RAB11FIP5: variants seen among roughly 807,000 people sequenced by gnomAD.
The protein encoded by RAB11FIP5 is rab11 family-interacting protein 5.
Under a neutral mutation model 85.1 loss-of-function variants are expected in RAB11FIP5, and 48 were observed. That is an observed-to-expected ratio of 0.56 (90% confidence interval 0.45 to 0.72). The LOEUF is 0.72. Among genes scored for constraint, RAB11FIP5 ranks in the 30% least tolerant of loss-of-function variants. The probability of loss-of-function intolerance (pLI) is 0.00; values close to 1 mark genes in which losing one functional copy is unlikely to be tolerated. For synonymous variants in RAB11FIP5, 729 were observed against 727.3 expected (o/e 1.00, Z -0.04); for missense variants, 1,491 against 1,687.0 (o/e 0.88, Z 2.04).
intron 4 of RAB11FIP5, 69 bp from the exon 5 acceptor site, chr2:73,076,251 T>C: frequency 7.2e-7 from 1 of 1,394,228 alleles, no homozygotes; most frequent in Non-Finnish European, 9.9e-7. Context: ...GGGGCTGCCT[T>C]CCCTGTGGAG....
chr2:73,093,102 G>A (rs1037615360), intron 1 of RAB11FIP5, among the ~76,000 whole-genome samples: 4 of 152,178 alleles, frequency 2.6e-5, no homozygotes, highest in South Asian at 2.1e-4. Flanking sequence ...CTGTCGAGGG[G>A]GGCTGAGGAA....
chr2:73,112,237 G>T, intron 1 of RAB11FIP5, 110 bp downstream of exon 1: 2 of 1,238,004 alleles, frequency 1.6e-6, no homozygotes, highest in Non-Finnish European at 2.1e-6. Context: ...ACGCCCTTAA[G>T]CACGAGGCAA....
intron 1 of RAB11FIP5, among the ~76,000 whole-genome samples, chr2:73,110,927 G>T (rs1196648997): frequency 6.6e-6 from 1 of 152,106 alleles, no homozygotes; most frequent in African/African-American, 2.4e-5. Flanking sequence ...AAAAGAATGG[G>T]CTAAGAGATC....
At chr2:73,099,871 A>T (rs1261542071) in intron 1 of RAB11FIP5, among the ~76,000 whole-genome samples, 1 of 152,148 alleles carries the variant, frequency 6.6e-6, no homozygotes, top group East Asian at 1.9e-4. Flanking sequence ...TCTTCCAAAG[A>T]CAGGCCTTAC....
intron 1 of RAB11FIP5, among the ~76,000 whole-genome samples, chr2:73,094,206 A>G (rs1684276317): frequency 6.6e-6 from 1 of 150,660 alleles, no homozygotes; most frequent in African/African-American, 2.4e-5. Context: ...CCAGTTTTGG[A>G]GATTCTGCTA....
intron 1 of RAB11FIP5, among the ~76,000 whole-genome samples, chr2:73,090,404 C>T (rs1352332539): frequency 2.6e-5 from 4 of 152,178 alleles, no homozygotes; most frequent in Non-Finnish European, 5.9e-5. Flanking sequence ...TGGTACTTTG[C>T]CTACTGAGGT....
At chr2:73,102,853 T>C (rs1574304343) in intron 1 of RAB11FIP5, among the ~76,000 whole-genome samples, 3 of 152,348 alleles carry the variant, frequency 2.0e-5, no homozygotes, top group Middle Eastern at 6.8e-3. Flanking sequence ...GGCTCTGCCT[T>C]ACTAAGTGGC....
At position 73,089,287 on chromosome 2, in the gene RAB11FIP5, T is replaced by C. The variant is rs1207257489; in HGVS notation, c.460A>G (p.Lys154Glu). 2 of 1,614,024 alleles carry C rather than the reference T, an allele frequency of 1.2e-6. No homozygotes were observed. Among genetic ancestry groups the C allele is most frequent in the Non-Finnish European group, 1.7e-6 (2 of 1,179,986 alleles). ...QWYKLHSKPG[K>E]KEKERGEIEV... ...ATCTCGCCGCGTTCCTTCTCCTTCT[T>C]GCCTGGCTTGGAGTGCAGCTTGTAC... is the stretch of plus-strand genomic sequence containing the variant. The change falls in exon 2 of 6, where the codon AAG becomes GAG. Residue 154 changes from lysine (K) to glutamate (E), a missense_variant. Lys to Glu is a moderately conservative substitution (Grantham distance 56). Coordinates refer to ENST00000486777, the MANE Select transcript of RAB11FIP5 (RefSeq NM_001371272.1). The surrounding 1 kb of genome is among the most constrained non-coding windows in gnomAD (Gnocchi z 4.6).
chr2:73,076,232 G>T (rs1386060764), intron 4 of RAB11FIP5, 50 bp from the exon 5 acceptor site: 6 of 1,489,758 alleles, frequency 4.0e-6, no homozygotes, highest in Admixed American at 3.4e-5. Flanking sequence ...GGTGGCACGG[G>T]TCAAAGGTGG....
intron 4 of RAB11FIP5, among the ~76,000 whole-genome samples, chr2:73,079,235 G>GC (rs1683919435): frequency 6.6e-6 from 1 of 152,006 alleles, no homozygotes; most frequent in Non-Finnish European, 1.5e-5. Flanking sequence ...GCCACGGTCT[G>GC]CCCCAAGAAC....
chr2:73,091,744 T>C (rs759889562), intron 1 of RAB11FIP5, among the ~76,000 whole-genome samples: 12 of 152,142 alleles, frequency 7.9e-5, no homozygotes, highest in Non-Finnish European at 1.3e-4. Context: ...TACATCCCTA[T>C]AGAAGAGCCC....
chr2:73,092,380 T>C (rs1381098610), intron 1 of RAB11FIP5, among the ~76,000 whole-genome samples: 1 of 152,244 alleles, frequency 6.6e-6, no homozygotes, highest in Non-Finnish European at 1.5e-5. Flanking sequence ...ACCGGGGCCC[T>C]GTGGTGAGAT....
At chr2:73,111,792 C>G (rs766964290) in intron 1 of RAB11FIP5, among the ~76,000 whole-genome samples, 3 of 152,176 alleles carry the variant, frequency 2.0e-5, no homozygotes, top group Non-Finnish European at 2.9e-5. Context: ...GGTGACATCT[C>G]TAGATAGTGG....
In RAB11FIP5 at chr2:73,080,111, C is replaced by T. The variant is rs1574293480; in HGVS notation, c.3121G>A (p.Glu1041Lys). The T allele has an allele frequency of 1.6e-6, 2 of 1,232,248 alleles. No homozygotes were observed. Among genetic ancestry groups the T allele is most frequent in the East Asian group, 6.3e-5 (2 of 31,696 alleles). 76.3% of individuals were successfully genotyped at this position (1,232,248 alleles called of 1,614,324 possible). A position where few individuals can be genotyped will look rare whatever the true frequency, so the allele number is the denominator to read the frequency against. ...GTGGCTGACAAGGACCCAAGCCCCT[C>T]TCCTACTGGATCCTGGCCCTGGGCC... ...PEAQGQDPVG[E>K]GLGSLSATSQ... The change falls in exon 4 of 6, where the codon GAG becomes AAG. Residue 1041 changes from glutamate (E) to lysine (K), a missense_variant. Physicochemically the swap from Glu to Lys is moderately conservative, Grantham distance 56. This residue lies in a region of RAB11FIP5 where 1,211 missense variants were observed against 1,338.0 expected (regional missense o/e 0.91). Coordinates refer to ENST00000486777, the MANE Select transcript of RAB11FIP5 (RefSeq NM_001371272.1).
Position 73,074,909 on chromosome 2 carries a change from C to T in RAB11FIP5, c.*612G>A, listed in dbSNP as rs113543144. The T allele has an allele frequency of 1.1e-3, 355 of 322,018 alleles. 2 individuals carry two copies. Among genetic ancestry groups the T allele is most frequent in the African/African-American group, 5.3e-3 (247 of 46,572 alleles). 19.9% of individuals were successfully genotyped at this position (322,018 alleles called of 1,614,324 possible). The stretch of plus-strand genomic sequence containing the variant: ...CATCCACCACTGTCCACATGGCACT[C>T]GCCCCACAAACAGCTCCAGACTGAA... On this transcript the variant is annotated 3_prime_UTR_variant, in exon 6 of 6. Transcript: ENST00000486777.
At chr2:73,087,809 G>A (rs1253933545) in intron 3 of RAB11FIP5, among the ~76,000 whole-genome samples, 1 of 152,176 alleles carries the variant, frequency 6.6e-6, no homozygotes, top group East Asian at 1.9e-4. Context: ...GCCTAGGGCT[G>A]AGAAGTCGGA....
chr2:73,079,781 G>T lies in RAB11FIP5; in HGVS notation c.3451C>A (p.His1151Asn). ...PGEPALLPGP[H>N]EPSPPGGSPA... is the part of the protein sequence containing the mutation. ...GAGCCCCCAGGTGGGGAGGGCTCAT[G>T]GGGGCCAGGGAGTAAGGCTGGCTCC... Residue 1151 changes from histidine to asparagine, a missense_variant, in exon 4 of 6, where the codon CAT becomes AAT. By Grantham distance (68) the His-to-Asn change is moderately conservative. Around this residue, in one of 3 missense-constraint regions of RAB11FIP5, gnomAD observed 232 missense variants for 259.1 expected, o/e 0.90. Transcript: ENST00000486777. The T allele has an allele frequency of 1.6e-6, 2 of 1,232,456 alleles. No individual in the cohort carries two copies. The highest frequency in any genetic ancestry group is 2.0e-6 in the Non-Finnish European group (2 of 988,194). 76.3% of individuals were successfully genotyped at this position (1,232,456 alleles called of 1,614,324 possible).
chr2:73,093,004 G>A (rs1187191282), intron 1 of RAB11FIP5, among the ~76,000 whole-genome samples: 3 of 152,292 alleles, frequency 2.0e-5, no homozygotes, highest in African/African-American at 4.8e-5. Context: ...CCTCCCTAGA[G>A]GTGCTACTTC....
intron 1 of RAB11FIP5, among the ~76,000 whole-genome samples, chr2:73,107,846 A>T (rs1232038706): frequency 1.3e-5 from 2 of 152,178 alleles, no homozygotes. Flanking sequence ...CAGGGGCTCA[A>T]GTGACCACAG....
Sources: allele counts gnomAD v4.1 joint callset (sites outside exome capture counted in the v4.1 genomes callset), GRCh38; gene constraint gnomAD v4.1.1; regional missense constraint gnomAD v4.1.1; non-coding constraint Gnocchi (gnomAD v3.1); transcripts MANE v1.5; gene names NCBI Gene and HGNC (gene_info 2026-07-23, HGNC 2026-07-21).